The following ZNF518A variants were observed in gnomAD, a reference collection of about 807,000 sequenced individuals.
ZNF518A encodes zinc finger protein 518A.
A neutral mutation model predicts 102.7 loss-of-function variants in ZNF518A; 47 were observed. The observed-to-expected ratio is 0.46, with a 90% CI of 0.36 to 0.58. The LOEUF (loss-of-function observed/expected upper bound fraction) is 0.58. Among genes scored for constraint, ZNF518A ranks in the 20% least tolerant of loss-of-function variants. The probability of loss-of-function intolerance (pLI) is 0.00; values close to 1 mark genes in which losing one functional copy is unlikely to be tolerated. For missense variants in ZNF518A, 1,793 were observed against 1,699.8 expected (o/e 1.05, Z -0.96); for synonymous variants, 652 against 594.6 (o/e 1.10, Z -1.40).
Position 96,185,331 on chromosome 10 carries a change from G to A in ZNF518A, n.36-18243G>A, listed in dbSNP as rs181803013. 2.9e-3 allele frequency among the ~76,000 whole-genome samples: 442 copies of A among 152,286 alleles called. 9 individuals are homozygous for A. Among genetic ancestry groups the A allele is most frequent in the Non-Finnish European group, 6.3e-4 (43 of 68,024 alleles). On this transcript the variant is annotated intron_variant and non_coding_transcript_variant, in intron 1 of 2. Transcript: ENST00000442635. ...GTTCATCAAAGTCATTCTCCGTCCA[G>A]CTTTGTTCCGTTGCTGGCGAGGAGA...
At chr10:96,186,365 C>T (rs146802279) in intron 1 of ZNF518A, among the ~76,000 whole-genome samples, 3 of 152,276 alleles carry the variant, frequency 2.0e-5, no homozygotes, top group African/African-American at 7.2e-5. Flanking sequence ...CCAGCTTTTA[C>T]AATTTTTAAT....
At chr10:96,195,304 T>G (rs2083438046) in intron 1 of ZNF518A, among the ~76,000 whole-genome samples, 10 of 152,202 alleles carry the variant, frequency 6.6e-5, no homozygotes, top group Admixed American at 6.5e-4. Context: ...GCAATCCCAC[T>G]TCTGGGTATA....
chr10:96,164,042 G>A (rs2083094247), downstream of ZNF518A, among the ~76,000 whole-genome samples: 3 of 152,170 alleles, frequency 2.0e-5, no homozygotes, highest in Admixed American at 2.0e-4. Context: ...TGCAACTTAT[G>A]AAGGGATTAA....
chr10:96,165,457 AAAC>A (rs146886066), downstream of ZNF518A, among the ~76,000 whole-genome samples: 39,799 of 127,256 alleles, frequency 0.31, 7,085 homozygotes, highest in East Asian at 0.71. Context: ...GCCTGCCAAA[AAAC>A]AACAACAACC....
intron 3 of ZNF518A, among the ~76,000 whole-genome samples, chr10:96,138,986 G>A (rs2081768849): frequency 6.6e-6 from 1 of 150,526 alleles, no homozygotes; most frequent in Admixed American, 6.6e-5. Flanking sequence ...ATAGGGAAGG[G>A]CCCTTCTGAG....
rs587626957 is a variant in ZNF518A, at chr10:96,143,447, G to A, written c.-302+9799G>A. ...TTTTCTTCCATTGTTTCTTTATTCTGTTCTTGTGGTTTAGATTGCCTTTGC... is the reference window on the plus strand; with the variant it reads ...TTTTCTTCCATTGTTTCTTTATTCTATTCTTGTGGTTTAGATTGCCTTTGC... On this transcript the variant is annotated intron_variant, in intron 3 of 5. Transcript: ENST00000316045. 6.6e-5 allele frequency among the ~76,000 whole-genome samples: 10 copies of A among 152,044 alleles called. No individual in the cohort carries two copies. In the South Asian group the frequency reaches 2.1e-3, roughly 32 times the overall value.
chr10:96,189,332 A>G, intron 1 of ZNF518A: 1 of 534,746 alleles, frequency 1.9e-6, no homozygotes, highest in Admixed American at 2.2e-5. Context: ...AAGATGGAAA[A>G]ATGTTAACAA....
chr10:96,135,512 A>G (rs1220099850), intron 3 of ZNF518A, among the ~76,000 whole-genome samples: 1 of 152,168 alleles, frequency 6.6e-6, no homozygotes, highest in Non-Finnish European at 1.5e-5. Flanking sequence ...AGTTCCCTTT[A>G]TTTATTCATC....
chr10:96,145,788 T>G (rs2082145263), intron 3 of ZNF518A, among the ~76,000 whole-genome samples: 1 of 152,250 alleles, frequency 6.6e-6, no homozygotes, highest in South Asian at 2.1e-4. Flanking sequence ...TTGCTTTGTT[T>G]GAGAATTTGC....
At position 96,159,343 on chromosome 10, in the gene ZNF518A, G is replaced by T; in HGVS notation, c.3021G>T (p.Glu1007Asp). The T allele has an allele frequency of 6.2e-7, 1 of 1,613,716 alleles. No homozygotes were observed. Among genetic ancestry groups the T allele is most frequent in the Admixed American group, 1.7e-5 (1 of 59,984 alleles). ...CAGCTCGTGGAACTGTGACTAAGGAGCCTTGCAAAACACCTATTTTGAAGG... is the reference window on the plus strand; with the variant it reads ...CAGCTCGTGGAACTGTGACTAAGGATCCTTGCAAAACACCTATTTTGAAGG... ...GAPARGTVTK[E>D]PCKTPILKVE... The change falls in exon 6 of 6, where the codon GAG becomes GAT. Residue 1007 changes from glutamate (E) to aspartate (D), a missense_variant. Glu to Asp is a conservative substitution (Grantham distance 45). Around this residue, in one of 3 missense-constraint regions of ZNF518A, gnomAD observed 1,741 missense variants for 1,622.6 expected, o/e 1.07. Coordinates refer to ENST00000316045, the MANE Select transcript of ZNF518A (RefSeq NM_001330736.2).
rs368714313 is a variant in ZNF518A, at chr10:96,157,093, T to C, written c.771T>C (p.Ser257=). Residue 257 remains serine, a synonymous_variant, in exon 6 of 6, where the codon TCT becomes TCC. Transcript: ENST00000316045. The part of the protein sequence containing the change: ...GELQKHLHIH[S]GTFPFTCQYC... ...TTCAGAAGCACCTTCATATTCATTC[T>C]GGTACTTTTCCCTTCACTTGTCAAT... 8 of 1,613,724 alleles carry C rather than the reference T, an allele frequency of 5.0e-6. No individual in the cohort carries two copies. The highest frequency in any genetic ancestry group is 6.8e-6 in the Non-Finnish European group (8 of 1,179,780).
In ZNF518A at chr10:96,157,730, C is replaced by T; in HGVS notation, c.1408C>T (p.Pro470Ser). ...GCCTATCAAACAAAATGTATGTTCA[C>T]CAGGCTCACAGTCAGGTGCTGCAAA... ...LVPIKQNVCS[P>S]GSQSGAAKDG... The change falls in exon 6 of 6, where the codon CCA becomes TCA. Residue 470 changes from proline (P) to serine (S), a missense_variant. Physicochemically the swap from Pro to Ser is moderately conservative, Grantham distance 74. Coordinates refer to ENST00000316045, the MANE Select transcript of ZNF518A (RefSeq NM_001330736.2). 6.2e-7 allele frequency: 1 copy of T among 1,613,876 alleles called. No individual in the cohort carries two copies. The highest frequency in any genetic ancestry group is 8.5e-7 in the Non-Finnish European group (1 of 1,179,782).
intron 3 of ZNF518A, among the ~76,000 whole-genome samples, chr10:96,149,429 C>A (rs2082326486): frequency 6.6e-6 from 1 of 152,196 alleles, no homozygotes; most frequent in Non-Finnish European, 1.5e-5. Context: ...TCGTTTTACC[C>A]ACTGTAGAGA....
downstream of ZNF518A, among the ~76,000 whole-genome samples, chr10:96,167,968 T>C (rs778641197): frequency 6.6e-6 from 1 of 152,234 alleles, no homozygotes; most frequent in Non-Finnish European, 1.5e-5. Context: ...CAACTTAATT[T>C]CAGTAATGAA....
intron 1 of ZNF518A, among the ~76,000 whole-genome samples, chr10:96,201,722 C>T (rs11188662): frequency 0.28 from 42,039 of 149,524 alleles, 6,445 homozygotes; most frequent in Middle Eastern, 0.41. Flanking sequence ...ATGTGAAATA[C>T]GAAAAAGACT....
At chr10:96,167,845 A>T (rs1250450467), downstream of ZNF518A, among the ~76,000 whole-genome samples, 1 of 152,270 alleles carries the variant, frequency 6.6e-6, no homozygotes, top group Non-Finnish European at 1.5e-5. Context: ...CAAAGCTTTC[A>T]TAGCTGTGAC....
intron 1 of ZNF518A, among the ~76,000 whole-genome samples, chr10:96,183,719 G>A (rs1232618380): frequency 1.3e-5 from 2 of 152,202 alleles, no homozygotes; most frequent in Non-Finnish European, 2.9e-5. Flanking sequence ...TTGCTGAGGA[G>A]TGCTTTACTT....
At position 96,160,501 on chromosome 10, in the gene ZNF518A, T is replaced by C. The variant is rs782395682; in HGVS notation, c.4179T>C (p.Tyr1393=). Reference sequence around the variant, plus strand: ...ATGCTTTACTGAAACCAGTTTGTTATAACCCTCCTAAAACAACTTATGATG... The same window carrying C: ...ATGCTTTACTGAAACCAGTTTGTTACAACCCTCCTAAAACAACTTATGATG... ...TINALLKPVC[Y]NPPKTTYDDF... is the part of the protein sequence containing the mutation. The change falls in exon 6 of 6, where the codon TAT becomes TAC. Residue 1393 remains tyrosine, a synonymous_variant. Coordinates refer to ENST00000316045, the MANE Select transcript of ZNF518A (RefSeq NM_001330736.2). The C allele has an allele frequency of 2.3e-5, 37 of 1,613,076 alleles. No homozygotes were observed. Among genetic ancestry groups the C allele is most frequent in the African/African-American group, 8.0e-5 (6 of 74,918 alleles).
chr10:96,155,118 T>C (rs1208739395), intron 3 of ZNF518A, among the ~76,000 whole-genome samples: 1 of 152,170 alleles, frequency 6.6e-6, no homozygotes, highest in Non-Finnish European at 1.5e-5. Flanking sequence ...CAGTTTGATA[T>C]ATTAATGACT....
Sources: allele counts gnomAD v4.1 joint callset (sites outside exome capture counted in the v4.1 genomes callset), GRCh38; gene constraint gnomAD v4.1.1; regional missense constraint gnomAD v4.1.1; transcripts MANE v1.5; gene names NCBI Gene and HGNC (gene_info 2026-07-23, HGNC 2026-07-21).